SMARCE1: variants seen among roughly 807,000 people sequenced by gnomAD.
The protein encoded by SMARCE1 is SWI/SNF-related matrix-associated actin-dependent regulator of chromatin subfamily E member 1.
SMARCE1 carries 13 observed loss-of-function variants against 54.9 expected under a neutral mutation model. The ratio of observed to expected loss-of-function variants is 0.24; its 90% CI spans 0.15 to 0.38. The LOEUF is 0.38. SMARCE1 is among the 10% of genes least tolerant of loss of function. The probability of loss-of-function intolerance (pLI) is 1.00; values close to 1 mark genes in which losing one functional copy is unlikely to be tolerated. For missense variants in SMARCE1, 295 were observed against 523.8 expected (o/e 0.56, Z 4.26); for synonymous variants, 151 against 175.3 (o/e 0.86, Z 1.10).
chr17:40,625,936 G>C lies in SMARCE1; in HGVS notation c.*2849C>G, dbSNP rs1047903227. On this transcript the variant is annotated 3_prime_UTR_variant, in exon 11 of 11. Coordinates refer to ENST00000348513, the MANE Select transcript of SMARCE1 (RefSeq NM_003079.5). ...AGAATTTAAAACTGTTAGAAAATTG[G>C]GGGACTATGGGGCTGGGCGCGGTGG... 1 of 152,124 alleles carries C rather than the reference G, an allele frequency of 6.6e-6. No individual in the cohort carries two copies. The highest frequency in any genetic ancestry group is 2.4e-5 in the African/African-American group (1 of 41,390). 9.4% of individuals were successfully genotyped at this position (152,124 alleles called of 1,614,324 possible).
At position 40,628,889 on chromosome 17, in the gene SMARCE1, C is replaced by T; in HGVS notation, c.1132G>A (p.Ala378Thr). 6.2e-7 allele frequency: 1 copy of T among 1,613,862 alleles called. No individual in the cohort carries two copies. Among genetic ancestry groups the T allele is most frequent in the Non-Finnish European group, 8.5e-7 (1 of 1,179,808 alleles). Residue 378 changes from alanine to threonine, a missense_variant, in exon 11 of 11, where the codon GCA (alanine) becomes ACA (threonine). Physicochemically the swap from Ala to Thr is moderately conservative, Grantham distance 58. This residue lies in a region of SMARCE1 where 147 missense variants were observed against 161.4 expected (regional missense o/e 0.91). Coordinates refer to ENST00000348513, the MANE Select transcript of SMARCE1 (RefSeq NM_003079.5). The part of the protein sequence containing the change: ...ESGQEGVDSM[A>T]EEGTSDSNTG... ...TTACTATCACTGGTTCCTTCCTCTG[C>T]CATACTGTCGACCCCCTCCTGCCCA...
At chr17:40,639,628 C>G (rs2037178295) in intron 4 of SMARCE1, among the ~76,000 whole-genome samples, 1 of 152,016 alleles carries the variant, frequency 6.6e-6, no homozygotes, top group Admixed American at 6.5e-5. Context: ...CTTACAACAA[C>G]AACAACAAAA....
At chr17:40,630,553 A>T in intron 10 of SMARCE1, 161 bp downstream of exon 10, 1 of 679,422 alleles carries the variant, frequency 1.5e-6, no homozygotes, top group Non-Finnish European at 2.6e-6. Context: ...GTAAGCATTT[A>T]AAGGTTAAAA....
intron 4 of SMARCE1, among the ~76,000 whole-genome samples, chr17:40,638,162 T>C (rs896491952): frequency 2.0e-5 from 3 of 152,184 alleles, no homozygotes; most frequent in African/African-American, 7.2e-5. Context: ...TACCTAGTGG[T>C]TTTCTTGTAA....
intron 7 of SMARCE1, 144 bp from the exon 8 acceptor site, chr17:40,632,511 C>T: frequency 1.6e-6 from 1 of 634,070 alleles, no homozygotes; most frequent in Non-Finnish European, 2.7e-6. Flanking sequence ...AGCACTGGGG[C>T]AGTTACTTGA....
intron 3 of SMARCE1, chr17:40,645,168 T>C (rs2037241840): frequency 3.7e-6 from 1 of 272,786 alleles, no homozygotes; most frequent in Admixed American, 5.2e-5. Flanking sequence ...ATGAAAATTT[T>C]AGAGAGAGAC....
In SMARCE1 at chr17:40,626,322, T is replaced by G. The variant is rs1295624414; in HGVS notation, c.*2463A>C. The G allele has an allele frequency of 6.6e-6, 1 of 152,080 alleles. No individual in the cohort carries two copies. The highest frequency in any genetic ancestry group is 1.5e-5 in the Non-Finnish European group (1 of 68,018). The allele number at this position is 152,080 out of a possible 1,614,324, so 9.4% of individuals were successfully genotyped here. A position where few individuals can be genotyped will look rare whatever the true frequency, so the allele number is the denominator to read the frequency against. On this transcript the variant is annotated 3_prime_UTR_variant, in exon 11 of 11. Transcript: ENST00000348513. ...GCCCTCAGACTTTATGCATTCATAC[T>G]CAAAATAAATGCACTAAAAATCAAG...
At position 40,645,865 on chromosome 17, in the gene SMARCE1, G is replaced by T; in HGVS notation, c.-45-18C>A. 1.3e-6 allele frequency: 1 copy of T among 753,652 alleles called. No homozygotes were observed. Among genetic ancestry groups the T allele is most frequent in the Non-Finnish European group, 1.9e-6 (1 of 522,516 alleles). The allele number at this position is 753,652 out of a possible 1,614,324, so 46.7% of individuals were successfully genotyped here. On this transcript the variant is annotated intron_variant, in intron 1 of 10. Transcript: ENST00000348513. ...CTGAGACACTAAAATAAAAAAAAAAGGAAAAAAAAAAGAGAATCAAAACTC... is the reference window on the plus strand; with the variant it reads ...CTGAGACACTAAAATAAAAAAAAAATGAAAAAAAAAAGAGAATCAAAACTC...
In SMARCE1 at chr17:40,628,796, T is replaced by A; in HGVS notation, c.1225A>T (p.Lys409Ter). The stretch of plus-strand genomic sequence containing the variant: ...AAACAAGGCAACACTTATTCTTTTT[T>A]CTCATCTTCTGGTATGGGATCTGTT... ...PPTDPIPEDE[K>*]KE is the part of the protein sequence containing the mutation. The change falls in exon 11 of 11, where the codon AAA becomes TAA. Residue 409 changes from lysine (K) to a stop codon, truncating the protein, a stop_gained. Coordinates refer to ENST00000348513, the MANE Select transcript of SMARCE1 (RefSeq NM_003079.5). LOFTEE classifies it high-confidence loss of function. 4 of 1,612,842 alleles carry A rather than the reference T, an allele frequency of 2.5e-6. No individual in the cohort carries two copies. The highest frequency in any genetic ancestry group is 3.4e-6 in the Non-Finnish European group (4 of 1,179,004).
Position 40,627,554 on chromosome 17 carries a change from TGCA to T in SMARCE1, c.*1228_*1230del, listed in dbSNP as rs1260266464. The T allele has an allele frequency of 2.0e-5, 3 of 152,578 alleles. No individual in the cohort carries two copies. The highest frequency in any genetic ancestry group is 2.9e-5 in the Non-Finnish European group (2 of 68,018). 9.5% of individuals were successfully genotyped at this position (152,578 alleles called of 1,614,324 possible). Reference sequence around the variant, plus strand: ...CAAGTGTCTTGTACAAATAAGCTACTGCAGCAGTTTATAGAGATAGTTGGGTGA... The same window carrying T: ...CAAGTGTCTTGTACAAATAAGCTACTGCAGTTTATAGAGATAGTTGGGTGA... On this transcript the variant is annotated 3_prime_UTR_variant, in exon 11 of 11. Coordinates refer to ENST00000348513, the MANE Select transcript of SMARCE1 (RefSeq NM_003079.5).
intron 3 of SMARCE1, 32 bp downstream of exon 3, chr17:40,645,544 G>A: frequency 6.7e-7 from 1 of 1,483,792 alleles, no homozygotes; most frequent in South Asian, 1.3e-5. Flanking sequence ...GCCAGAGTTG[G>A]CTATTACATT....
chr17:40,645,854 T>TAAAAAAAAAAGG lies in SMARCE1; in HGVS notation c.-45-19_-45-8dup, dbSNP rs2037249743. On this transcript the variant is annotated splice_region_variant and splice_polypyrimidine_tract_variant and intron_variant, in intron 1 of 10. Transcript: ENST00000348513. ...TAAGAATGAATCTGAGACACTAAAA[T>TAAAAAAAAAAGG]AAAAAAAAAAGGAAAAAAAAAAGAG... 2.7e-6 allele frequency: 2 copies of TAAAAAAAAAAGG among 737,560 alleles called. No homozygotes were observed. Among genetic ancestry groups the TAAAAAAAAAAGG allele is most frequent in the Non-Finnish European group, 3.7e-6 (2 of 546,152 alleles). The allele number at this position is 737,560 out of a possible 1,614,324, so 45.7% of individuals were successfully genotyped here.
Position 40,632,253 on chromosome 17 carries a change from A to C in SMARCE1, c.656T>G (p.Val219Gly). 1 of 1,613,916 alleles carries C rather than the reference A, an allele frequency of 6.2e-7. No individual in the cohort carries two copies. Among genetic ancestry groups the C allele is most frequent in the Non-Finnish European group, 8.5e-7 (1 of 1,179,854 alleles). Residue 219 changes from valine (V) to glycine (G), a missense_variant, in exon 8 of 11, where the codon GTC becomes GGC. Val to Gly is a moderately radical substitution (Grantham distance 109). Coordinates refer to ENST00000348513, the MANE Select transcript of SMARCE1 (RefSeq NM_003079.5). ...ESVVPDVRSVVTTARMQVLKR... is the reference protein window; with the variant it reads ...ESVVPDVRSVGTTARMQVLKR... ...GAGGACCTGCATTCTAGCTGTTGTG[A>C]CAACTGACCGAACGTCTGGCACCAC...
intron 1 of SMARCE1, 54 bp from the exon 2 acceptor site, chr17:40,645,901 C>T (rs557937038): frequency 5.8e-5 from 32 of 554,394 alleles, no homozygotes; most frequent in African/African-American, 3.6e-4. Context: ...AGCAAGCATA[C>T]GAGAATGTTT....
chr17:40,625,046 G>C lies in SMARCE1; in HGVS notation c.*3739C>G, dbSNP rs950633889. 2.0e-5 allele frequency: 3 copies of C among 152,178 alleles called. No individual in the cohort carries two copies. Among genetic ancestry groups the C allele is most frequent in the Non-Finnish European group, 2.9e-5 (2 of 68,044 alleles). The allele number at this position is 152,178 out of a possible 1,614,324, so 9.4% of individuals were successfully genotyped here. A position where few individuals can be genotyped will look rare whatever the true frequency, so the allele number is the denominator to read the frequency against. ...GAAGTGTAGGTCATTCTGGCAAATA[G>C]AAAGTTCCATCATTTCACACTTAGA... On this transcript the variant is annotated 3_prime_UTR_variant, in exon 11 of 11. Transcript: ENST00000348513.
At chr17:40,633,571 G>A (rs893903327) in intron 7 of SMARCE1, 19 of 152,174 alleles carry the variant, frequency 1.2e-4, no homozygotes, top group African/African-American at 4.6e-4. Context: ...TTGTTACAGG[G>A]GAAACCCTGT....
At chr17:40,629,365 T>C (rs1456253600) in intron 10 of SMARCE1, 1 of 425,580 alleles carries the variant, frequency 2.3e-6, no homozygotes, top group East Asian at 3.5e-5. Context: ...AAACATATTG[T>C]TAAAACACTT....
chr17:40,631,237 C>A, intron 9 of SMARCE1: 1 of 333,060 alleles, frequency 3.0e-6, no homozygotes, highest in Non-Finnish European at 5.4e-6. Flanking sequence ...ACTAGATTTC[C>A]TTGTCTGAAT....
At chr17:40,645,394 G>A (rs2037245925) in intron 3 of SMARCE1, 182 bp downstream of exon 3, 1 of 488,300 alleles carries the variant, frequency 2.0e-6, no homozygotes, top group Non-Finnish European at 3.6e-6. Context: ...TAAATGTTGG[G>A]GTTGGTTCAA....
Sources: allele counts gnomAD v4.1 joint callset (sites outside exome capture counted in the v4.1 genomes callset), GRCh38; gene constraint gnomAD v4.1.1; regional missense constraint gnomAD v4.1.1; transcripts MANE v1.5; gene names NCBI Gene and HGNC (gene_info 2026-07-23, HGNC 2026-07-21).